Variants in CTNNA3 observed in about 807,000 individuals in gnomAD.
CTNNA3 encodes the protein catenin alpha 3.
Under a neutral mutation model 95.7 loss-of-function variants are expected in CTNNA3, and 76 were observed. That is an observed-to-expected ratio of 0.79 (90% CI 0.66 to 0.96). The LOEUF (loss-of-function observed/expected upper bound fraction) is 0.96, where lower values mean the gene tolerates loss of function less well. Among genes scored for constraint, CTNNA3 ranks in the 40% least tolerant of loss-of-function variants. The probability of loss-of-function intolerance (pLI) is 0.00; values close to 1 mark genes in which losing one functional copy is unlikely to be tolerated. For synonymous variants in CTNNA3, 431 were observed against 374.4 expected (o/e 1.15, Z -1.74); for missense variants, 1,191 against 1,089.8 (o/e 1.09, Z -1.31).
intron 13 of CTNNA3, among the ~76,000 whole-genome samples, chr10:66,267,818 A>G (rs1229838845): frequency 2.0e-5 from 3 of 152,150 alleles, no homozygotes; most frequent in Admixed American, 6.6e-5. Context: ...AGAAGAGGGT[A>G]TCAAAAAGAT....
chr10:67,461,574 T>C (rs951518320), intron 5 of CTNNA3, among the ~76,000 whole-genome samples: 1 of 151,990 alleles, frequency 6.6e-6, no homozygotes, highest in South Asian at 2.1e-4. Context: ...CAAAAAGAAA[T>C]AAATAGGGAA....
chr10:66,551,323 G>T, intron 10 of CTNNA3, among the ~76,000 whole-genome samples: 1 of 152,060 alleles, frequency 6.6e-6, no homozygotes, highest in South Asian at 2.1e-4. Context: ...ATTCTCATCA[G>T]AAAAATCTTA....
intron 7 of CTNNA3, among the ~76,000 whole-genome samples, chr10:67,176,584 G>T (rs1862253256): frequency 6.6e-6 from 1 of 152,196 alleles, no homozygotes; most frequent in Non-Finnish European, 1.5e-5. Flanking sequence ...GTCTCCCAGA[G>T]ATGTCCACAT....
rs1054150722 is a variant in CTNNA3, at chr10:65,992,917, A to T, written c.2160-4120T>A. On this transcript the variant is annotated intron_variant, in intron 15 of 17. Coordinates refer to ENST00000433211, the MANE Select transcript of CTNNA3 (RefSeq NM_013266.4). ...CTTAGCACTGCTTTTGCTCTATCCT[A>T]TAGGTTTTGGTATATTGTGTTTTTA... Among the ~76,000 whole-genome samples, 35 of 152,062 alleles carry T rather than the reference A, an allele frequency of 2.3e-4. 1 individual carries two copies. Among genetic ancestry groups the T allele is most frequent in the African/African-American group, 8.0e-4 (33 of 41,430 alleles).
chr10:67,387,530 G>C (rs375536459), intron 5 of CTNNA3, among the ~76,000 whole-genome samples: 2 of 152,192 alleles, frequency 1.3e-5, no homozygotes, highest in Admixed American at 6.5e-5. Flanking sequence ...CAAAGCAGCC[G>C]GGAAGCTCGA....
intron 1 of CTNNA3, among the ~76,000 whole-genome samples, chr10:67,695,716 G>A (rs1372988493): frequency 1.3e-5 from 2 of 151,984 alleles, no homozygotes; most frequent in African/African-American, 2.4e-5. Context: ...GTATCCAATC[G>A]GCTTTTTATA....
At chr10:67,376,525 C>T (rs189083163) in intron 5 of CTNNA3, among the ~76,000 whole-genome samples, 2 of 152,286 alleles carry the variant, frequency 1.3e-5, no homozygotes, top group African/African-American at 2.4e-5. Flanking sequence ...AGAATAGGTG[C>T]GTAAGGACTA....
rs997646128 is a variant in CTNNA3 at position 66,481,617 on chromosome 10, G to A, written c.1531+39000C>T. Among the ~76,000 whole-genome samples, 41 of 147,316 alleles carry A rather than the reference G, an allele frequency of 2.8e-4. No homozygotes were observed. In the East Asian group the frequency reaches 8.1e-3, roughly 29 times the overall value. On this transcript the variant is annotated intron_variant, in intron 11 of 17. Transcript: ENST00000433211. ...CTCCCGAGTAGCTGGGACTACAGGC[G>A]CCTGCCACCACGCCCGGCTAATTTT...
At chr10:66,612,178 A>G (rs1458225059) in intron 10 of CTNNA3, among the ~76,000 whole-genome samples, 1 of 152,060 alleles carries the variant, frequency 6.6e-6, no homozygotes, top group Non-Finnish European at 1.5e-5. Flanking sequence ...ATCAATTTAT[A>G]TTGTCTATTT....
intron 5 of CTNNA3, among the ~76,000 whole-genome samples, chr10:67,345,478 A>C (rs1010495083): frequency 6.6e-6 from 1 of 152,084 alleles, no homozygotes; most frequent in Non-Finnish European, 1.5e-5. Context: ...TAGCTCTAAT[A>C]ATATTTGCTT....
intron 11 of CTNNA3, among the ~76,000 whole-genome samples, chr10:66,395,446 C>T (rs554800069): frequency 1.3e-5 from 2 of 152,034 alleles, no homozygotes; most frequent in South Asian, 4.1e-4. Flanking sequence ...TTCTGTATCA[C>T]CCTGATTGTT....
At chr10:66,707,030 A>G (rs1245405195) in intron 9 of CTNNA3, among the ~76,000 whole-genome samples, 1 of 152,082 alleles carries the variant, frequency 6.6e-6, no homozygotes, top group Non-Finnish European at 1.5e-5. Context: ...AAAGATATCA[A>G]TACTAGAAAG....
intron 5 of CTNNA3, among the ~76,000 whole-genome samples, chr10:67,237,712 G>C (rs1477281727): frequency 6.6e-6 from 1 of 152,158 alleles, no homozygotes; most frequent in Non-Finnish European, 1.5e-5. Context: ...GGAAACCTAA[G>C]CATGAATGGT....
intron 10 of CTNNA3, among the ~76,000 whole-genome samples, chr10:66,578,943 C>T (rs1843095156): frequency 6.7e-6 from 1 of 150,158 alleles, no homozygotes; most frequent in African/African-American, 2.4e-5. Flanking sequence ...TGGTAGAATT[C>T]AGCTGTGAAT....
chr10:66,104,357 T>C (rs1462787627), intron 13 of CTNNA3, among the ~76,000 whole-genome samples: 2 of 152,228 alleles, frequency 1.3e-5, no homozygotes, highest in African/African-American at 4.8e-5. Context: ...GGGACATGTC[T>C]TCCTTGTCAT....
At chr10:66,798,272 T>G (rs984403150) in intron 7 of CTNNA3, among the ~76,000 whole-genome samples, 2 of 151,840 alleles carry the variant, frequency 1.3e-5, no homozygotes, top group Admixed American at 1.3e-4. Context: ...TTGATAACAA[T>G]ATTATTACTA....
intron 7 of CTNNA3, among the ~76,000 whole-genome samples, chr10:66,878,187 C>T (rs1239447525): frequency 1.3e-5 from 2 of 152,104 alleles, no homozygotes; most frequent in Non-Finnish European, 1.5e-5. Flanking sequence ...CAAATCCTAT[C>T]TTCCACATTT....
chr10:66,276,399 T>C (rs2091399876), intron 13 of CTNNA3, among the ~76,000 whole-genome samples: 1 of 152,128 alleles, frequency 6.6e-6, no homozygotes, highest in South Asian at 2.1e-4. Context: ...CTACCCTCTC[T>C]CTCAATTCAA....
At chr10:66,598,874 T>A (rs1843817487) in intron 10 of CTNNA3, among the ~76,000 whole-genome samples, 1 of 151,906 alleles carries the variant, frequency 6.6e-6, no homozygotes, top group Non-Finnish European at 1.5e-5. Flanking sequence ...CAGTGGCATT[T>A]TTTACAGAAA....
Sources: gnomAD v4.1 joint callset for allele counts (sites outside exome capture counted in the v4.1 genomes callset) on GRCh38, gnomAD v4.1.1 for gene constraint, MANE v1.5 for transcripts, NCBI Gene and HGNC (gene_info 2026-07-23, HGNC 2026-07-21) for gene names.